Variants in NOLC1 observed in about 807,000 individuals in gnomAD.
NOLC1 encodes nucleolar and coiled-body phosphoprotein 1, also known as 140 kDa nucleolar phosphoprotein.
In NOLC1, 37 loss-of-function variants were observed where a neutral mutation model predicts 73.4. The observed-to-expected ratio is 0.50, with a 90% CI of 0.39 to 0.66. The LOEUF (loss-of-function observed/expected upper bound fraction) is 0.66. Among genes scored for constraint, NOLC1 ranks in the 30% least tolerant of loss-of-function variants. NOLC1 has a pLI of 0.00. For missense variants in NOLC1, 921 were observed against 838.9 expected (o/e 1.10, Z -1.21); for synonymous variants, 327 against 302.6 (o/e 1.08, Z -0.84).
Position 102,159,229 on chromosome 10 carries a change from C to A in NOLC1, c.644C>A (p.Ala215Asp). ...AAPKIANGKA[A>D]SSSSSSSSSS... ...CCTAAAATAGCCAATGGTAAAGCAG[C>A]CAGTAGCAGCAGTAGCAGCAGCAGC... is the stretch of plus-strand genomic sequence containing the variant. Residue 215 changes from alanine (A) to aspartate (D), a missense_variant, in exon 6 of 13, where the codon GCC becomes GAC. Physicochemically the swap from Ala to Asp is moderately radical, Grantham distance 126. Transcript: ENST00000605788. 6.2e-7 allele frequency: 1 copy of A among 1,613,992 alleles called. No homozygotes were observed. The highest frequency in any genetic ancestry group is 1.3e-5 in the African/African-American group (1 of 74,972).
In NOLC1 at chr10:102,160,694, A is replaced by C; in HGVS notation, c.1342A>C (p.Lys448Gln). 1 of 1,614,078 alleles carries C rather than the reference A, an allele frequency of 6.2e-7. No homozygotes were observed. Residue 448 changes from lysine to glutamine, a missense_variant, in exon 10 of 13, where the codon AAG becomes CAG. Lys to Gln is a moderately conservative substitution (Grantham distance 53). Transcript: ENST00000605788. ...GAAGATGGTGGCCACCACTAAGCCCAAGGCGACTGCCAAAGCAGCTCTATC... is the reference window on the plus strand; with the variant it reads ...GAAGATGGTGGCCACCACTAAGCCCCAGGCGACTGCCAAAGCAGCTCTATC... ...TKKMVATTKP[K>Q]ATAKAALSLP...
At chr10:102,156,895 CA>C in intron 1 of NOLC1, 123 bp from the exon 2 acceptor site, 2 of 942,910 alleles carry the variant, frequency 2.1e-6, no homozygotes, top group Non-Finnish European at 1.7e-6. Context: ...ATGCACGTAG[CA>C]AAAGTTTTAT....
In NOLC1 at chr10:102,159,232, G is replaced by A. The variant is rs773265984; in HGVS notation, c.647G>A (p.Ser216Asn). ...AAAATAGCCAATGGTAAAGCAGCCA[G>A]TAGCAGCAGTAGCAGCAGCAGCAGC... Reference protein sequence around the residue: ...APKIANGKAASSSSSSSSSSS... With the variant: ...APKIANGKAANSSSSSSSSSS... The change falls in exon 6 of 13, where the codon AGT becomes AAT. Residue 216 changes from serine to asparagine, a missense_variant. Physicochemically the swap from Ser to Asn is conservative, Grantham distance 46. Transcript: ENST00000605788. 2.5e-6 allele frequency: 4 copies of A among 1,613,212 alleles called. No individual in the cohort carries two copies. Among genetic ancestry groups the A allele is most frequent in the African/African-American group, 2.7e-5 (2 of 74,862 alleles).
chr10:102,158,006 C>G (rs765093080), intron 4 of NOLC1, 43 bp from the exon 5 acceptor site: 9 of 1,586,638 alleles, frequency 5.7e-6, no homozygotes, highest in Non-Finnish European at 7.7e-6. Flanking sequence ...TTTGGGTACC[C>G]GGAAGCTTTT....
At chr10:102,155,612 G>A (rs540856802) in intron 1 of NOLC1, among the ~76,000 whole-genome samples, 1 of 151,490 alleles carries the variant, frequency 6.6e-6, no homozygotes, top group Non-Finnish European at 1.5e-5. Context: ...GGGTTAAAGC[G>A]ATTCTCCTGC....
Position 102,162,598 on chromosome 10 carries a change from T to C in NOLC1, c.*329T>C, listed in dbSNP as rs2069733180. The C allele has an allele frequency of 1.2e-5, 2 of 170,154 alleles. No homozygotes were observed. The highest frequency in any genetic ancestry group is 1.9e-4 in the South Asian group (1 of 5,138). 10.5% of individuals were successfully genotyped at this position (170,154 alleles called of 1,614,324 possible). ...TATTTTATATTAAATCACTTACTAT[T>C]GATTTTTGTTGTGATTTTCAAAGGT... On this transcript the variant is annotated 3_prime_UTR_variant, in exon 13 of 13. Transcript: ENST00000605788.
chr10:102,153,082 T>A (rs2069533517), intron 1 of NOLC1, among the ~76,000 whole-genome samples: 1 of 152,236 alleles, frequency 6.6e-6, no homozygotes, highest in African/African-American at 2.4e-5. Context: ...GTAGGCATAG[T>A]AGTGGGCTTG....
intron 1 of NOLC1, among the ~76,000 whole-genome samples, chr10:102,155,360 C>G (rs1441589228): frequency 6.6e-6 from 1 of 150,396 alleles, no homozygotes; most frequent in East Asian, 1.9e-4. Flanking sequence ...ACCTGGGCGA[C>G]CAAGAGCGAA....
Position 102,160,945 on chromosome 10 carries a change from G to C in NOLC1, c.1593G>C (p.Glu531Asp). 1 of 1,614,202 alleles carries C rather than the reference G, an allele frequency of 6.2e-7. No homozygotes were observed. Among genetic ancestry groups the C allele is most frequent in the Non-Finnish European group, 8.5e-7 (1 of 1,180,046 alleles). ...SSDDSSEEEE[E>D]KLKGKGSPRP... ...ATGACTCCAGTGAGGAAGAGGAAGAGAAGCTCAAGGGCAAGGGCTCTCCAA... is the reference window on the plus strand; with the variant it reads ...ATGACTCCAGTGAGGAAGAGGAAGACAAGCTCAAGGGCAAGGGCTCTCCAA... The change falls in exon 10 of 13, where the codon GAG becomes GAC. Residue 531 changes from glutamate to aspartate, a missense_variant. Glu to Asp is a conservative substitution (Grantham distance 45, BLOSUM62 2). Coordinates refer to ENST00000605788, the MANE Select transcript of NOLC1 (RefSeq NM_004741.5).
In NOLC1 at chr10:102,157,551, T is replaced by C. The variant is rs1159955279; in HGVS notation, c.437T>C (p.Val146Ala). Reference sequence around the variant, plus strand: ...GAGGAGGACCAAAAGAAACAGCCTGTCCAGGTTTGCAGCTTTGGGAAGAAA... The same window carrying C: ...GAGGAGGACCAAAAGAAACAGCCTGCCCAGGTTTGCAGCTTTGGGAAGAAA... ...DDEEDQKKQP[V>A]QKGVKPQAKA... The change falls in exon 4 of 13, where the codon GTC becomes GCC. Residue 146 changes from valine to alanine, a missense_variant. Physicochemically the swap from Val to Ala is moderately conservative, Grantham distance 64. Coordinates refer to ENST00000605788, the MANE Select transcript of NOLC1 (RefSeq NM_004741.5). The C allele has an allele frequency of 6.2e-7, 1 of 1,613,710 alleles. No individual in the cohort carries two copies. The highest frequency in any genetic ancestry group is 1.7e-5 in the Admixed American group (1 of 59,938).
rs1238285411 is a variant in NOLC1, at chr10:102,162,407, T to C, written c.*138T>C. 1 of 798,858 alleles carries C rather than the reference T, an allele frequency of 1.3e-6. No homozygotes were observed. The highest frequency in any genetic ancestry group is 1.7e-5 in the African/African-American group (1 of 57,934). 49.5% of individuals were successfully genotyped at this position (798,858 alleles called of 1,614,324 possible). On this transcript the variant is annotated 3_prime_UTR_variant, in exon 13 of 13. Transcript: ENST00000605788. ...TAGAGTAGGTCCTAAGACTTTACAG[T>C]GTAACATCCTCTCTGGTCCTTTTCT... is the stretch of plus-strand genomic sequence containing the variant.
At chr10:102,156,104 T>C (rs1314197165) in intron 1 of NOLC1, among the ~76,000 whole-genome samples, 1 of 152,158 alleles carries the variant, frequency 6.6e-6, no homozygotes, top group African/African-American at 2.4e-5. Context: ...CCTCCCAGAG[T>C]GTTGGGATTA....
chr10:102,156,556 G>A (rs2069598372), intron 1 of NOLC1, among the ~76,000 whole-genome samples: 1 of 151,748 alleles, frequency 6.6e-6, no homozygotes, highest in Non-Finnish European at 1.5e-5. Context: ...TCCTGCTTCA[G>A]CCTCCCAAGT....
At position 102,157,001 on chromosome 10, in the gene NOLC1, G is replaced by C. The variant is rs982075308; in HGVS notation, c.121-18G>C. Reference sequence around the variant, plus strand: ...CAGGATAAAATAATTTCCTTACCCAGCTCTTTTTCTTCTACAGACACAGCA... The same window carrying C: ...CAGGATAAAATAATTTCCTTACCCACCTCTTTTTCTTCTACAGACACAGCA... On this transcript the variant is annotated intron_variant, in intron 1 of 12. Transcript: ENST00000605788. 2 of 1,613,182 alleles carry C rather than the reference G, an allele frequency of 1.2e-6. No individual in the cohort carries two copies. Among genetic ancestry groups the C allele is most frequent in the East Asian group, 2.2e-5 (1 of 44,880 alleles).
intron 10 of NOLC1, 131 bp downstream of exon 10, chr10:102,161,224 A>G: frequency 1.0e-6 from 1 of 957,332 alleles, no homozygotes. Context: ...GAGGAAGAAC[A>G]GGAAACTGGT....
At chr10:102,159,657 C>T (rs574228482) in intron 7 of NOLC1, 89 bp downstream of exon 7, 8 of 1,345,626 alleles carry the variant, frequency 5.9e-6, no homozygotes, top group African/African-American at 2.9e-5. Flanking sequence ...GGTGCATGAG[C>T]GTCCTCATGA....
chr10:102,159,781 T>C, intron 7 of NOLC1, 115 bp from the exon 8 acceptor site: 1 of 1,177,896 alleles, frequency 8.5e-7, no homozygotes, highest in South Asian at 1.6e-5. Flanking sequence ...AACTGAGTCA[T>C]TGATTCTGGC....
In NOLC1 at chr10:102,154,069, ATT is replaced by A. The variant is rs58538934; in HGVS notation, c.120+1558_120+1559del. 4.3e-3 allele frequency among the ~76,000 whole-genome samples: 500 copies of A among 116,384 alleles called. 1 individual carries two copies. Among genetic ancestry groups the A allele is most frequent in the African/African-American group, 0.015 (427 of 27,558 alleles). 76.4% of individuals were successfully genotyped at this position (116,384 alleles called of 152,430 possible). On this transcript the variant is annotated intron_variant, in intron 1 of 12. Coordinates refer to ENST00000605788, the MANE Select transcript of NOLC1 (RefSeq NM_004741.5). The stretch of plus-strand genomic sequence containing the variant: ...ATGCTACGCCCTTCACATGCATTTA[ATT>A]TTTTTTTTTTTTTTTTTTGAGGCGG...
Position 102,160,995 on chromosome 10 carries a change from G to A in NOLC1, c.1643G>A (p.Gly548Asp), listed in dbSNP as rs1806069687. ...AGACCACAAGCCCCCAAGGCCAATGGCACCTCTGCACTGACTGCCCAGAAT... is the reference window on the plus strand; with the variant it reads ...AGACCACAAGCCCCCAAGGCCAATGACACCTCTGCACTGACTGCCCAGAAT... ...SPRPQAPKAN[G>D]TSALTAQNGK... is the part of the protein sequence containing the mutation. Residue 548 changes from glycine to aspartate, a missense_variant, in exon 10 of 13, where the codon GGC (glycine) becomes GAC (aspartate). Gly to Asp is a moderately conservative substitution (Grantham distance 94, BLOSUM62 -1). Transcript: ENST00000605788. The A allele has an allele frequency of 6.8e-6, 11 of 1,614,106 alleles. No homozygotes were observed. Among genetic ancestry groups the A allele is most frequent in the Non-Finnish European group, 8.5e-6 (10 of 1,180,018 alleles).
Sources: gnomAD v4.1 joint callset for allele counts (sites outside exome capture counted in the v4.1 genomes callset) on GRCh38, gnomAD v4.1.1 for gene constraint, MANE v1.5 for transcripts, NCBI Gene and HGNC (gene_info 2026-07-23, HGNC 2026-07-21) for gene names.